Variants in TRAF2 observed in about 807,000 individuals in gnomAD.
The protein encoded by TRAF2 is TNF receptor associated factor 2, also known as TNF receptor-associated factor 2.
In TRAF2, 6 loss-of-function variants were observed where a neutral mutation model predicts 55.6. That is an observed-to-expected ratio of 0.11 (90% CI 0.06 to 0.21). The LOEUF is 0.21. Ranked by LOEUF, TRAF2 falls within the 10% of genes least tolerant of loss-of-function variation. The probability of loss-of-function intolerance (pLI) is 1.00; values close to 1 mark genes in which losing one functional copy is unlikely to be tolerated. For synonymous variants in TRAF2, 329 were observed against 276.3 expected (o/e 1.19, Z -1.89); for missense variants, 561 against 684.5 (o/e 0.82, Z 2.01).
Position 136,905,277 on chromosome 9 carries a change from G to C in TRAF2, c.367-2793G>C, listed in dbSNP as rs917511897. ...CATTGTCCTCCTCTCTCCGGGTTGT[G>C]CCCATCGGTACAGAATATGCTCTAG... On this transcript the variant is annotated intron_variant, in intron 4 of 10. Transcript: ENST00000247668. 2.0e-5 allele frequency among the ~76,000 whole-genome samples: 3 copies of C among 152,326 alleles called. No individual in the cohort carries two copies. In the East Asian group the frequency reaches 5.8e-4, roughly 29 times the overall value.
intron 1 of TRAF2, among the ~76,000 whole-genome samples, chr9:136,888,889 G>A (rs1849512539): frequency 6.6e-6 from 1 of 152,122 alleles, no homozygotes; most frequent in Admixed American, 6.6e-5. Context: ...TCCTGTGGAG[G>A]GGAGTCTCGC....
At chr9:136,886,868 C>G (rs926863685) in intron 1 of TRAF2, 1 of 152,830 alleles carries the variant, frequency 6.5e-6, no homozygotes. Context: ...CGTGGGCGGC[C>G]CACCCGGCCC....
At chr9:136,891,053 G>C (rs898170434) in intron 1 of TRAF2, among the ~76,000 whole-genome samples, 2 of 152,146 alleles carry the variant, frequency 1.3e-5, no homozygotes, top group Non-Finnish European at 2.9e-5. Context: ...GAGTAGCTGG[G>C]ACCACAGATG....
At chr9:136,897,902 G>C in intron 1 of TRAF2, among the ~76,000 whole-genome samples, 1 of 139,558 alleles carries the variant, frequency 7.2e-6, no homozygotes, top group East Asian at 2.3e-4. Flanking sequence ...AGGGGAACCC[G>C]TGGTAGCTAA....
intron 4 of TRAF2, among the ~76,000 whole-genome samples, chr9:136,904,356 C>A (rs781540020): frequency 6.6e-6 from 1 of 152,144 alleles, no homozygotes; most frequent in Non-Finnish European, 1.5e-5. Context: ...GGTGGGAACC[C>A]ACTGTGCCCG....
chr9:136,903,793 C>T (rs527286631), intron 4 of TRAF2, among the ~76,000 whole-genome samples: 13 of 152,160 alleles, frequency 8.5e-5, no homozygotes, highest in African/African-American at 3.1e-4. Flanking sequence ...ACCATTCTTC[C>T]TGCCTCAGCC....
In TRAF2 at chr9:136,905,975, G is replaced by A. The variant is rs986369257; in HGVS notation, c.367-2095G>A. Among the ~76,000 whole-genome samples, 3 of 152,112 alleles carry A rather than the reference G, an allele frequency of 2.0e-5. No individual in the cohort carries two copies. The East Asian group carries it at 5.8e-4, about 29-fold the overall frequency. On this transcript the variant is annotated intron_variant, in intron 4 of 10. Coordinates refer to ENST00000247668, the MANE Select transcript of TRAF2 (RefSeq NM_021138.4). ...AAAAAATTAGCCGGGTGTGGTGGCG[G>A]GCGCCCGTAGTCCCAGCTACTCAGG...
intron 6 of TRAF2, among the ~76,000 whole-genome samples, chr9:136,914,191 C>T (rs958067475): frequency 4.6e-5 from 7 of 152,204 alleles, no homozygotes. Context: ...TTGAGGTTTA[C>T]AGAGGCCAGG....
At chr9:136,891,309 C>T (rs1405146674) in intron 1 of TRAF2, among the ~76,000 whole-genome samples, 1 of 152,002 alleles carries the variant, frequency 6.6e-6, no homozygotes, top group African/African-American at 2.4e-5. Context: ...GGGGTCTCAC[C>T]ATGTTGGCCA....
At chr9:136,908,256 G>C (rs745870721) in intron 5 of TRAF2, 25 bp downstream of exon 5, 11 of 1,542,982 alleles carry the variant, frequency 7.1e-6, no homozygotes, top group African/African-American at 1.4e-5. Flanking sequence ...GCAGCAGCCT[G>C]TGTGGCTGCA....
chr9:136,923,391 G>A (rs1200764638), intron 9 of TRAF2, among the ~76,000 whole-genome samples: 1 of 151,174 alleles, frequency 6.6e-6, no homozygotes, highest in African/African-American at 2.4e-5. Flanking sequence ...CGTGTGGATC[G>A]CCTGAGGGCA....
intron 1 of TRAF2, among the ~76,000 whole-genome samples, chr9:136,888,267 C>T (rs572033176): frequency 6.6e-6 from 1 of 152,108 alleles, no homozygotes; most frequent in South Asian, 2.1e-4. Flanking sequence ...CTCAGATGAG[C>T]TTTTATAGAA....
chr9:136,890,158 TGA>T (rs1333364286), intron 1 of TRAF2, among the ~76,000 whole-genome samples: 15 of 146,182 alleles, frequency 1.0e-4, no homozygotes, highest in African/African-American at 2.8e-4. Flanking sequence ...ACCGTGTGTG[TGA>T]GAGTCCCCAC....
chr9:136,908,801 C>T (rs1170086690), intron 5 of TRAF2, among the ~76,000 whole-genome samples: 16 of 141,766 alleles, frequency 1.1e-4, no homozygotes, highest in South Asian at 7.1e-4. Flanking sequence ...ACCCAGGAGG[C>T]GGAGCTTGCA....
intron 6 of TRAF2, among the ~76,000 whole-genome samples, chr9:136,914,833 T>G (rs1850202457): frequency 6.6e-6 from 1 of 152,014 alleles, no homozygotes; most frequent in African/African-American, 2.4e-5. Flanking sequence ...GTCTCAGTAT[T>G]CCACGGAGGC....
chr9:136,908,826 C>T (rs1360790007), intron 5 of TRAF2, among the ~76,000 whole-genome samples: 15 of 147,002 alleles, frequency 1.0e-4, no homozygotes, highest in African/African-American at 3.3e-4. Context: ...GCCGAGATTG[C>T]GCCACTGCAC....
At chr9:136,920,613 C>G (rs1260981683) in intron 8 of TRAF2, 98 bp downstream of exon 8, 1 of 1,416,722 alleles carries the variant, frequency 7.1e-7, no homozygotes, top group African/African-American at 1.4e-5. Flanking sequence ...AGCTTTAGAG[C>G]CCGGACAATG....
Position 136,898,761 on chromosome 9 carries a change from C to T in TRAF2, c.21C>T (p.Thr7=), listed in dbSNP as rs373594239. 1 of 1,613,578 alleles carries T rather than the reference C, an allele frequency of 6.2e-7. No homozygotes were observed. The highest frequency in any genetic ancestry group is 8.5e-7 in the Non-Finnish European group (1 of 1,180,022). The change falls in exon 2 of 11, where the codon ACC becomes ACT. Residue 7 remains threonine, a synonymous_variant. Coordinates refer to ENST00000247668, the MANE Select transcript of TRAF2 (RefSeq NM_021138.4). The part of the protein sequence containing the change: MAAASV[T]PPGSLELLQP... ...CTCTCATGGCTGCAGCTAGCGTGAC[C>T]CCCCCTGGCTCCCTGGAGTTGCTAC...
At chr9:136,893,545 G>A (rs970852723) in intron 1 of TRAF2, among the ~76,000 whole-genome samples, 2 of 152,218 alleles carry the variant, frequency 1.3e-5, no homozygotes, top group African/African-American at 2.4e-5. Context: ...CTCCTGTAGA[G>A]GATTAGAGGG....
Sources: allele counts gnomAD v4.1 joint callset (sites outside exome capture counted in the v4.1 genomes callset), GRCh38; gene constraint gnomAD v4.1.1; transcripts MANE v1.5; gene names NCBI Gene and HGNC (gene_info 2026-07-23, HGNC 2026-07-21).